The following BEGAIN variants were observed in gnomAD, a reference collection of about 807,000 sequenced individuals.
The protein encoded by BEGAIN is brain enriched guanylate kinase associated.
Under a neutral mutation model 35.8 loss-of-function variants are expected in BEGAIN, and 19 were observed. The observed-to-expected ratio is 0.53, with a 90% confidence interval of 0.37 to 0.78. The LOEUF (loss-of-function observed/expected upper bound fraction) is 0.78, where lower values mean the gene tolerates loss of function less well. Among genes scored for constraint, BEGAIN ranks in the 30% least tolerant of loss-of-function variants. The pLI, the probability that BEGAIN is intolerant of heterozygous loss-of-function variation, is 0.00. For missense variants in BEGAIN, 795 were observed against 853.6 expected, an observed-to-expected ratio of 0.93 and a Z score of 0.85; for synonymous variants, 462 against 388.6, an observed-to-expected ratio of 1.19 and a Z score of -2.22.
intron 6 of BEGAIN, 136 bp downstream of exon 6, chr14:100,540,360 C>T (rs755032183): frequency 2.8e-6 from 2 of 705,918 alleles, no homozygotes; most frequent in Non-Finnish European, 4.8e-6. Flanking sequence ...CCCACAGGAG[C>T]GAGGGGGACA....
rs1439849478 is a variant in BEGAIN at position 100,539,267 on chromosome 14, C to G, written c.541G>C (p.Gly181Arg). 3 of 1,585,350 alleles carry G rather than the reference C, an allele frequency of 1.9e-6. No homozygotes were observed. The highest frequency in any genetic ancestry group is 2.6e-6 in the Non-Finnish European group (3 of 1,166,496). Residue 181 changes from glycine (G) to arginine (R), a missense_variant, in exon 7 of 7, where the codon GGC (glycine) becomes CGC (arginine). Around this residue, in one of 3 missense-constraint regions of BEGAIN, gnomAD observed 664 missense variants for 647.7 expected, o/e 1.03. Coordinates refer to ENST00000554140, the MANE Select transcript of BEGAIN (RefSeq NM_001385089.1). ...ERVSLHMEKH[G>R]CSLPSPLCHP... The stretch of plus-strand genomic sequence containing the variant: ...CAGAGCGGGGATGGCAGGCTGCAGC[C>G]GTGCTTCTCCATGTGCAGGCTCACG...
chr14:100,585,221 ATCCATCCATCCCTCCC>A (rs1257613149), intron 1 of BEGAIN, among the ~76,000 whole-genome samples: 2 of 115,382 alleles, frequency 1.7e-5, no homozygotes, highest in African/African-American at 7.0e-5. Flanking sequence ...CCATCCATCC[ATCCATCCATCCCTCCC>A]TCCCTCCCTC....
chr14:100,555,447 G>A (rs1162985903), intron 2 of BEGAIN, among the ~76,000 whole-genome samples: 1 of 152,226 alleles, frequency 6.6e-6, no homozygotes, highest in Non-Finnish European at 1.5e-5. Context: ...GAAGCCGACA[G>A]CAGACCACTT....
At chr14:100,539,486 G>A (rs1189776127) in intron 6 of BEGAIN, among the ~76,000 whole-genome samples, 171 bp from the exon 7 acceptor site, 2 of 152,184 alleles carry the variant, frequency 1.3e-5, no homozygotes, top group Admixed American at 6.5e-5. Flanking sequence ...GATCCAGGAC[G>A]CTGTACTGAA....
In BEGAIN at chr14:100,537,882, G is replaced by C; in HGVS notation, c.*87C>G. ...CGTTGTTGGCCGGGGCAGGGGAACA[G>C]CGGGGGCTGGGGAGAGGTGAGGCCG... is the stretch of plus-strand genomic sequence containing the variant. On this transcript the variant is annotated 3_prime_UTR_variant, in exon 7 of 7. Transcript: ENST00000554140. The C allele has an allele frequency of 6.8e-7, 1 of 1,474,462 alleles. No homozygotes were observed. Among genetic ancestry groups the C allele is most frequent in the Non-Finnish European group, 9.0e-7 (1 of 1,110,752 alleles). 91.3% of individuals were successfully genotyped at this position (1,474,462 alleles called of 1,614,324 possible).
At chr14:100,545,105 C>T in intron 3 of BEGAIN, 39 bp from the exon 4 acceptor site, 1 of 1,611,856 alleles carries the variant, frequency 6.2e-7, no homozygotes, top group Non-Finnish European at 8.5e-7. Context: ...CATGCAAGGC[C>T]TGTCCCTCCC....
intron 2 of BEGAIN, among the ~76,000 whole-genome samples, chr14:100,561,733 G>C (rs982382615): frequency 6.6e-6 from 1 of 151,204 alleles, no homozygotes; most frequent in Admixed American, 6.6e-5. Flanking sequence ...AAAAAAATTT[G>C]CTGAAGGCCA....
chr14:100,546,702 G>A (rs754682987), intron 2 of BEGAIN, 40 bp from the exon 3 acceptor site: 1 of 1,527,142 alleles, frequency 6.5e-7, no homozygotes, highest in Non-Finnish European at 8.7e-7. Context: ...CCGCGGCGCT[G>A]AGCGGGGGAA....
intron 2 of BEGAIN, among the ~76,000 whole-genome samples, chr14:100,564,082 T>A (rs543420057): frequency 1.4e-3 from 190 of 134,742 alleles, no homozygotes; most frequent in African/African-American, 5.2e-3. Context: ...GGGCTGTCTG[T>A]GGGGAAGGGT....
At chr14:100,548,050 T>G (rs777899636) in intron 2 of BEGAIN, 3 of 151,756 alleles carry the variant, frequency 2.0e-5, no homozygotes, top group Non-Finnish European at 3.0e-5. Context: ...AAAGCGTCGC[T>G]TACGTTTTTG....
At chr14:100,546,778 G>T in intron 2 of BEGAIN, 116 bp from the exon 3 acceptor site, 13 of 540,530 alleles carry the variant, frequency 2.4e-5, no homozygotes, top group Non-Finnish European at 3.7e-5. Flanking sequence ...GCGCGCGCGC[G>T]CGCACACACA....
In BEGAIN at chr14:100,586,441, C is replaced by T. The variant is rs745578943; in HGVS notation, c.42+808G>A. Reference sequence around the variant, plus strand: ...GGTGCCCACTCTGCTCCCATTCTGCCGGCTCAGGAGACTCCAGCGCGTCGC... The same window carrying T: ...GGTGCCCACTCTGCTCCCATTCTGCTGGCTCAGGAGACTCCAGCGCGTCGC... On this transcript the variant is annotated intron_variant, in intron 1 of 6. Transcript: ENST00000554140. This position sits in a 1 kb window ranked among gnomAD's most constrained non-coding sequence, Gnocchi z 4.9. 2.0e-5 allele frequency among the ~76,000 whole-genome samples: 3 copies of T among 152,176 alleles called. No homozygotes were observed. The highest frequency in any genetic ancestry group is 2.1e-4 in the South Asian group (1 of 4,832).
chr14:100,578,441 G>C (rs1278302458), intron 1 of BEGAIN, among the ~76,000 whole-genome samples: 1 of 152,224 alleles, frequency 6.6e-6, no homozygotes, highest in African/African-American at 2.4e-5. Flanking sequence ...AATGGAAGGG[G>C]GTGGCAGAGG....
chr14:100,577,559 CCCTGAAGG>C (rs1381474407), intron 1 of BEGAIN: 3 of 399,106 alleles, frequency 7.5e-6, no homozygotes, highest in Non-Finnish European at 1.3e-5. Flanking sequence ...CCTCTGGGCA[CCCTGAAGG>C]CCTCCAGGGT....
rs116935838 is a variant in BEGAIN at position 100,566,521 on chromosome 14, C to G, written c.71+1390G>C. Among the ~76,000 whole-genome samples the G allele has an allele frequency of 4.6e-3, 706 of 152,308 alleles. 4 individuals carry two copies. Among genetic ancestry groups the G allele is most frequent in the Non-Finnish European group, 5.7e-3 (389 of 68,018 alleles). Reference sequence around the variant, plus strand: ...GAGTTAAGCAGTGTTTCCTCCCCCCCACAGGCGGTACAACCCAGGTGGTGA... The same window carrying G: ...GAGTTAAGCAGTGTTTCCTCCCCCCGACAGGCGGTACAACCCAGGTGGTGA... On this transcript the variant is annotated intron_variant, in intron 2 of 6. Coordinates refer to ENST00000554140, the MANE Select transcript of BEGAIN (RefSeq NM_001385089.1).
intron 2 of BEGAIN, among the ~76,000 whole-genome samples, chr14:100,554,870 C>G (rs1221282423): frequency 2.0e-5 from 3 of 152,248 alleles, no homozygotes; most frequent in Non-Finnish European, 4.4e-5. Context: ...CCCAGCCTCG[C>G]CATTCCTGGC....
At chr14:100,544,727 G>A (rs1009811217) in intron 4 of BEGAIN, among the ~76,000 whole-genome samples, 2 of 152,066 alleles carry the variant, frequency 1.3e-5, no homozygotes, top group Non-Finnish European at 2.9e-5. Flanking sequence ...TGGGGGGCCC[G>A]TTCCCAGTGT....
At chr14:100,550,045 G>A (rs1327160171) in intron 2 of BEGAIN, among the ~76,000 whole-genome samples, 2 of 152,228 alleles carry the variant, frequency 1.3e-5, no homozygotes, top group South Asian at 4.1e-4. Flanking sequence ...CCGGCAGTGT[G>A]TGTGCACGTG....
intron 2 of BEGAIN, among the ~76,000 whole-genome samples, chr14:100,557,246 G>A (rs1174859387): frequency 1.3e-5 from 2 of 152,376 alleles, no homozygotes; most frequent in South Asian, 4.1e-4. Context: ...TGGTCAGGGA[G>A]CGCATTGGCC....
Sources: allele counts gnomAD v4.1 joint callset (sites outside exome capture counted in the v4.1 genomes callset), GRCh38; gene constraint gnomAD v4.1.1; regional missense constraint gnomAD v4.1.1; non-coding constraint Gnocchi (gnomAD v3.1); transcripts MANE v1.5; gene names NCBI Gene and HGNC (gene_info 2026-07-23, HGNC 2026-07-21).